The following ATP1A3 variants were observed in gnomAD, a reference collection of about 807,000 sequenced individuals.
ATP1A3 encodes sodium/potassium-transporting ATPase subunit alpha-3.
A neutral mutation model predicts 108.8 loss-of-function variants in ATP1A3; 12 were observed. The ratio of observed to expected loss-of-function variants is 0.11; its 90% CI spans 0.07 to 0.18. The LOEUF (loss-of-function observed/expected upper bound fraction) is 0.18, where lower values mean the gene tolerates loss of function less well. Ranked by LOEUF, ATP1A3 falls within the 10% of genes least tolerant of loss-of-function variation. The probability of loss-of-function intolerance (pLI) is 1.00; values close to 1 mark genes in which losing one functional copy is unlikely to be tolerated. For synonymous variants in ATP1A3, 539 were observed against 564.5 expected, an observed-to-expected ratio of 0.95 and a Z score of 0.64; for missense variants, 498 against 1,387.7, an observed-to-expected ratio of 0.36 and a Z score of 10.19.
rs370768511 is a variant in ATP1A3 at position 41,980,592 on chromosome 19, G to A, written c.1437+910C>T. 1.6e-4 allele frequency among the ~76,000 whole-genome samples: 25 copies of A among 151,520 alleles called. No individual in the cohort carries two copies. In the South Asian group the frequency reaches 1.9e-3, roughly 11 times the overall value. On this transcript the variant is annotated intron_variant, in intron 11 of 22. Coordinates refer to ENST00000648268, the MANE Select transcript of ATP1A3 (RefSeq NM_152296.5). Reference sequence around the variant, plus strand: ...CACACCACTGCCTTTTAGCCTGGGCGACAGAGCAAGACTCCATCTCAAAAA... The same window carrying A: ...CACACCACTGCCTTTTAGCCTGGGCAACAGAGCAAGACTCCATCTCAAAAA...
At position 41,984,684 on chromosome 19, in the gene ATP1A3, C is replaced by G. The variant is rs1459593828; in HGVS notation, c.993+234G>C. ...GATTGTTTGCTTTGTTAATGAGGCC[C>G]TCTGAGTCAGGCCCAAGTTGTCTTT... On this transcript the variant is annotated intron_variant, in intron 8 of 22. Transcript: ENST00000648268. 15 of 533,648 alleles carry G rather than the reference C, an allele frequency of 2.8e-5. No homozygotes were observed. The East Asian group carries it at 4.2e-4, about 15-fold the overall frequency. The allele number at this position is 533,648 out of a possible 1,614,324, so 33.1% of individuals were successfully genotyped here.
intron 18 of ATP1A3, 82 bp from the exon 19 acceptor site, chr19:41,969,662 G>T: frequency 6.4e-7 from 1 of 1,570,308 alleles, no homozygotes. Flanking sequence ...GGGCCCGGAG[G>T]CCTCCTTGGA....
Position 41,967,273 on chromosome 19 carries a change from GTT to G in ATP1A3, c.2987_2988del (p.Lys996ThrfsTer?). On this transcript the variant is annotated frameshift_variant, in exon 22 of 23. Transcript: ENST00000648268. LOFTEE classifies it high-confidence loss of function. This position sits in a 1 kb window ranked among gnomAD's most constrained non-coding sequence, Gnocchi z 4.2. Reference protein sequence around the residue: ...FLIFVYDEIRKLILRRNPGGW... With the variant: ...FLIFVYDEIRXLILRRNPGGW... ...CCCCCTGGGTTCCTGCGCAGGATGAGTTTGCGGATTTCGTCGTAGACGAAGAT... is the reference window on the plus strand; with the variant it reads ...CCCCCTGGGTTCCTGCGCAGGATGAGTGCGGATTTCGTCGTAGACGAAGAT... The G allele has an allele frequency of 6.2e-7, 1 of 1,613,954 alleles. No homozygotes were observed. The highest frequency in any genetic ancestry group is 8.5e-7 in the Non-Finnish European group (1 of 1,180,016).
At chr19:41,993,448 G>A (rs566518788) in intron 1 of ATP1A3, 2 of 1,533,802 alleles carry the variant, frequency 1.3e-6, no homozygotes, top group East Asian at 2.5e-5. Context: ...TCCCCTACAT[G>A]AGGGGCTGCA....
chr19:41,986,043 T>TG (rs1555865294), intron 5 of ATP1A3, 45 bp from the exon 6 acceptor site: 3 of 1,613,966 alleles, frequency 1.9e-6, no homozygotes, highest in Non-Finnish European at 2.5e-6. Context: ...TCCCTCTGCC[T>TG]GGGGGTCACT....
intron 16 of ATP1A3, among the ~76,000 whole-genome samples, chr19:41,975,223 T>C (rs1555860692): frequency 6.6e-6 from 1 of 152,184 alleles, no homozygotes; most frequent in African/African-American, 2.4e-5. Context: ...GGCTAATTTT[T>C]TGTATTTTTA....
At chr19:41,986,071 C>A (rs782499858) in intron 5 of ATP1A3, 45 bp downstream of exon 5, 1 of 1,614,150 alleles carries the variant, frequency 6.2e-7, no homozygotes, top group African/African-American at 1.3e-5. Context: ...GCCCCCAGCC[C>A]ATACACTAAC....
intron 1 of ATP1A3, chr19:41,993,213 G>A (rs2075356979): frequency 2.2e-6 from 1 of 464,020 alleles, no homozygotes; most frequent in Non-Finnish European, 4.0e-6. Flanking sequence ...CACACAGGGA[G>A]GAATCCAGGG....
intron 1 of ATP1A3, among the ~76,000 whole-genome samples, chr19:41,992,749 G>A (rs1292427651): frequency 6.6e-6 from 1 of 151,646 alleles, no homozygotes; most frequent in Non-Finnish European, 1.5e-5. Flanking sequence ...CTCTTTCAGA[G>A]CATCTCTGTC....
intron 1 of ATP1A3, among the ~76,000 whole-genome samples, chr19:41,991,593 T>G (rs1171961080): frequency 2.0e-5 from 3 of 149,610 alleles, no homozygotes; most frequent in African/African-American, 7.4e-5. Context: ...AGGAGAGGGG[T>G]GAGATGGGGG....
At chr19:41,976,742 G>A (rs1048781954) in intron 14 of ATP1A3, among the ~76,000 whole-genome samples, 176 bp from the exon 15 acceptor site, 4 of 152,068 alleles carry the variant, frequency 2.6e-5, no homozygotes, top group African/African-American at 9.7e-5. Context: ...ACTGCAGCAG[G>A]GCGTGCGGGC....
rs1344384125 is a variant in ATP1A3, at chr19:41,967,700, G to A, written c.2883C>T (p.Cys961=). ...TGCGCAGGGCCACGTCCATGCCGGG[G>A]CAGTAGGACAGGAAGGCAGCCAGGG... is the stretch of plus-strand genomic sequence containing the variant. The part of the protein sequence containing the change: ...ETALAAFLSY[C]PGMDVALRMY... The change falls in exon 21 of 23, where the codon TGC becomes TGT. Residue 961 remains cysteine, a synonymous_variant. Coordinates refer to ENST00000648268, the MANE Select transcript of ATP1A3 (RefSeq NM_152296.5). This position sits in a 1 kb window ranked among gnomAD's most constrained non-coding sequence, Gnocchi z 4.2. The A allele has an allele frequency of 1.9e-6, 3 of 1,613,966 alleles. No individual in the cohort carries two copies. The highest frequency in any genetic ancestry group is 2.5e-6 in the Non-Finnish European group (3 of 1,180,000).
At chr19:41,984,461 C>G (rs184218301) in intron 8 of ATP1A3, 50 of 173,936 alleles carry the variant, frequency 2.9e-4, no homozygotes, top group Non-Finnish European at 5.0e-4. Flanking sequence ...CTGACCTCAG[C>G]TGATCTGCCC....
intron 16 of ATP1A3, among the ~76,000 whole-genome samples, chr19:41,975,405 C>A (rs1319540877): frequency 2.0e-5 from 3 of 152,166 alleles, no homozygotes; most frequent in Non-Finnish European, 4.4e-5. Flanking sequence ...GGGGCCTGGG[C>A]TGGATGACGC....
At chr19:41,972,861 A>AAG (rs1555860230) in intron 16 of ATP1A3, among the ~76,000 whole-genome samples, 10 of 51,064 alleles carry the variant, frequency 2.0e-4, no homozygotes, top group South Asian at 5.7e-4. Context: ...AAGGAAGGAA[A>AAG]GAAGGAAGGA....
chr19:41,975,423 C>G (rs1280594346), intron 16 of ATP1A3, among the ~76,000 whole-genome samples: 1 of 152,182 alleles, frequency 6.6e-6, no homozygotes, highest in Non-Finnish European at 1.5e-5. Context: ...CGCAGGGACC[C>G]TGAAGTGTGT....
rs554335759 is a variant in ATP1A3 at position 41,988,687 on chromosome 19, G to A, written c.7-125C>T. ...GCCGGTGCCCCTGCATCTCTGGGTG[G>A]GGGGTCTCTGTCTGCCTCTCGGGGT... On this transcript the variant is annotated intron_variant, in intron 1 of 22. Coordinates refer to ENST00000648268, the MANE Select transcript of ATP1A3 (RefSeq NM_152296.5). The surrounding 1 kb of genome is among the most constrained non-coding windows in gnomAD (Gnocchi z 5.3). The A allele has an allele frequency of 4.6e-5, 73 of 1,577,780 alleles. No individual in the cohort carries two copies. The African/African-American group carries it at 8.3e-4, about 18-fold the overall frequency.
chr19:41,969,323 T>C, intron 19 of ATP1A3, 112 bp downstream of exon 19: 2 of 1,567,310 alleles, frequency 1.3e-6, no homozygotes, highest in Non-Finnish European at 1.8e-6. Flanking sequence ...AAGGCCTTGA[T>C]GCTGCCATGG....
chr19:41,974,443 C>T (rs554377430), intron 16 of ATP1A3, among the ~76,000 whole-genome samples: 24 of 152,220 alleles, frequency 1.6e-4, no homozygotes, highest in African/African-American at 5.5e-4. Context: ...ACTCTATCCC[C>T]GCCCCCAGCC....
Sources: gnomAD v4.1 joint callset for allele counts (sites outside exome capture counted in the v4.1 genomes callset) on GRCh38, gnomAD v4.1.1 for gene constraint, Gnocchi (gnomAD v3.1) non-coding constraint, MANE v1.5 for transcripts, NCBI Gene and HGNC (gene_info 2026-07-23, HGNC 2026-07-21) for gene names.